SCAND3: variants seen among roughly 807,000 people sequenced by gnomAD.
SCAND3 encodes SCAN domain containing 3.
chr6:28,599,947 A>G, the SCAND3 span, among the ~76,000 whole-genome samples: 1 of 152,014 alleles, frequency 6.6e-6, no homozygotes, highest in Non-Finnish European at 1.5e-5. Flanking sequence ...AAAAAAAAAG[A>G]CTTTAGACAC....
the SCAND3 span, among the ~76,000 whole-genome samples, chr6:28,611,358 T>G: frequency 6.6e-6 from 1 of 152,334 alleles, no homozygotes; most frequent in Admixed American, 6.5e-5. Context: ...CCTTCAACTT[T>G]CCTCTTTTCC....
the SCAND3 span, among the ~76,000 whole-genome samples, chr6:28,603,177 G>A: frequency 1.3e-5 from 2 of 151,612 alleles, no homozygotes; most frequent in African/African-American, 4.8e-5. Flanking sequence ...TGTTAGCCAG[G>A]GTGGTCTCCT....
At chr6:28,614,733 G>A in the SCAND3 span, among the ~76,000 whole-genome samples, 1 of 152,150 alleles carries the variant, frequency 6.6e-6, no homozygotes, top group African/African-American at 2.4e-5. Flanking sequence ...CCAAAGTGCT[G>A]GGATTACAGG....
the SCAND3 span, chr6:28,586,269 C>T: frequency 6.4e-7 from 1 of 1,553,464 alleles, no homozygotes; most frequent in East Asian, 2.3e-5. The surrounding 1 kb of genome is among the most constrained non-coding windows in gnomAD (Gnocchi z 4.4). Context: ...CCAAATTCTC[C>T]ACAGAAGATG....
the SCAND3 span, among the ~76,000 whole-genome samples, chr6:28,602,830 C>A: frequency 6.6e-6 from 1 of 151,452 alleles, no homozygotes; most frequent in African/African-American, 2.4e-5. Context: ...TTGCTTTAAT[C>A]TAGTGTATTT....
the SCAND3 span, among the ~76,000 whole-genome samples, chr6:28,600,790 A>C: frequency 2.6e-5 from 4 of 152,034 alleles, no homozygotes; most frequent in Non-Finnish European, 5.9e-5. Flanking sequence ...AATATTAAGA[A>C]TTTTAGTTAA....
chr6:28,606,462 C>G, the SCAND3 span, among the ~76,000 whole-genome samples: 11 of 152,134 alleles, frequency 7.2e-5, no homozygotes, highest in Non-Finnish European at 1.5e-4. Context: ...ACAGATTGGT[C>G]GCCAAGCAAC....
At chr6:28,598,922 A>G in the SCAND3 span, among the ~76,000 whole-genome samples, 2 of 151,244 alleles carry the variant, frequency 1.3e-5, no homozygotes, top group African/African-American at 4.8e-5. Flanking sequence ...AATTATAGCA[A>G]GGTTGCAAGA....
At chr6:28,600,408 G>T in the SCAND3 span, among the ~76,000 whole-genome samples, 1 of 152,244 alleles carries the variant, frequency 6.6e-6, no homozygotes, top group Middle Eastern at 3.4e-3. Flanking sequence ...TAAGGCAGGC[G>T]GACTACTTGA....
At chr6:28,575,558 G>T in the SCAND3 span, 1 of 1,613,680 alleles carries the variant, frequency 6.2e-7, no homozygotes, top group Admixed American at 1.7e-5. The surrounding 1 kb of genome is among the most constrained non-coding windows in gnomAD (Gnocchi z 4.2). Context: ...GGATTCAACT[G>T]CATGTCTATA....
chr6:28,611,649 C>G, the SCAND3 span, among the ~76,000 whole-genome samples: 1 of 152,222 alleles, frequency 6.6e-6, no homozygotes, highest in East Asian at 1.9e-4. Context: ...CTTGCCACTA[C>G]CCAGTGAAAA....
the SCAND3 span, among the ~76,000 whole-genome samples, chr6:28,574,405 G>A: frequency 3.9e-5 from 6 of 151,934 alleles, no homozygotes; most frequent in Admixed American, 3.3e-4. Flanking sequence ...TTCCCAAACT[G>A]AAGTCTTTCC....
the SCAND3 span, among the ~76,000 whole-genome samples, chr6:28,576,964 A>C: frequency 6.6e-6 from 1 of 152,034 alleles, no homozygotes; most frequent in Non-Finnish European, 1.5e-5. Flanking sequence ...TTTTTAAAAA[A>C]ATCTCCACAC....
the SCAND3 span, chr6:28,571,712 T>A: frequency 1.9e-5 from 9 of 465,648 alleles, no homozygotes; most frequent in Non-Finnish European, 3.2e-5. Flanking sequence ...AAAAATAGAA[T>A]TATAAAAACT....
chr6:28,607,949 T>TA, the SCAND3 span, among the ~76,000 whole-genome samples: 1 of 152,192 alleles, frequency 6.6e-6, no homozygotes, highest in Non-Finnish European at 1.5e-5. Context: ...AAACTGGCCA[T>TA]AAAAATATGA....
chr6:28,586,854 A>T, the SCAND3 span: 1 of 683,258 alleles, frequency 1.5e-6, no homozygotes, highest in Admixed American at 2.9e-5. The surrounding 1 kb of genome is among the most constrained non-coding windows in gnomAD (Gnocchi z 4.4). Flanking sequence ...GGACAACTAC[A>T]GACTCAGTTT....
the SCAND3 span, among the ~76,000 whole-genome samples, chr6:28,614,907 A>G: frequency 6.6e-6 from 1 of 152,162 alleles, no homozygotes; most frequent in Non-Finnish European, 1.5e-5. Context: ...TCAGAAGACA[A>G]TTTTCCCAAG....
At chr6:28,591,253 C>CTGCT in the SCAND3 span, 1 of 152,440 alleles carries the variant, frequency 6.6e-6, no homozygotes, top group African/African-American at 2.4e-5. Flanking sequence ...CAAGGAGCAG[C>CTGCT]TGCTATGAGG....
chr6:28,586,450 G>A, the SCAND3 span: 1 of 1,614,190 alleles, frequency 6.2e-7, no homozygotes, highest in Admixed American at 1.7e-5. The surrounding 1 kb of genome is among the most constrained non-coding windows in gnomAD (Gnocchi z 4.4). Context: ...TCCAGGATCT[G>A]CTCCTTGGTA....
Sources: gnomAD v4.1 joint callset for allele counts (sites outside exome capture counted in the v4.1 genomes callset) on GRCh38, gnomAD v4.1.1 for gene constraint, Gnocchi (gnomAD v3.1) non-coding constraint, MANE v1.5 for transcripts, NCBI Gene and HGNC (gene_info 2026-07-23, HGNC 2026-07-21) for gene names.